PTPRN2: variants seen among roughly 807,000 people sequenced by gnomAD.
PTPRN2 encodes the protein receptor-type tyrosine-protein phosphatase N2.
A neutral mutation model predicts 118.8 loss-of-function variants in PTPRN2; 74 were observed. The observed-to-expected ratio is 0.62, with a 90% CI of 0.52 to 0.76. PTPRN2 has a LOEUF of 0.76. Among genes scored for constraint, PTPRN2 ranks in the 30% least tolerant of loss-of-function variants. The probability of loss-of-function intolerance (pLI) is 0.00; values close to 1 mark genes in which losing one functional copy is unlikely to be tolerated. For synonymous variants in PTPRN2, 641 were observed against 608.0 expected, an observed-to-expected ratio of 1.05 and a Z score of -0.80; for missense variants, 1,481 against 1,394.4, an observed-to-expected ratio of 1.06 and a Z score of -0.99.
intron 1 of PTPRN2, among the ~76,000 whole-genome samples, chr7:158,573,154 A>G (rs112673998): frequency 0.01 from 1,528 of 152,308 alleles, 21 homozygotes; most frequent in African/African-American, 0.035. Flanking sequence ...GGAATTAATG[A>G]TCATCCTCTG....
At chr7:158,420,699 A>C (rs1186235278) in intron 2 of PTPRN2, among the ~76,000 whole-genome samples, 7 of 152,178 alleles carry the variant, frequency 4.6e-5, no homozygotes, top group Non-Finnish European at 1.0e-4. Flanking sequence ...TGGGCTTCCC[A>C]GAAGATACTC....
At chr7:158,230,998 G>A (rs1224912967) in intron 3 of PTPRN2, among the ~76,000 whole-genome samples, 1 of 152,190 alleles carries the variant, frequency 6.6e-6, no homozygotes, top group Non-Finnish European at 1.5e-5. Flanking sequence ...TGGGCACAGA[G>A]GCTCACACCT....
chr7:158,163,649 C>T (rs911244109), intron 6 of PTPRN2, among the ~76,000 whole-genome samples: 11 of 143,864 alleles, frequency 7.6e-5, no homozygotes, highest in African/African-American at 2.9e-4. Flanking sequence ...TCTTAGGTGA[C>T]GCCCGTATGA....
chr7:157,806,286 C>T (rs1339636791), intron 12 of PTPRN2, among the ~76,000 whole-genome samples: 5 of 152,100 alleles, frequency 3.3e-5, no homozygotes, highest in Non-Finnish European at 7.4e-5. Context: ...AAAAAGTTTT[C>T]GATTTGGGGG....
chr7:157,887,360 T>C (rs1584953432), intron 12 of PTPRN2, among the ~76,000 whole-genome samples: 1 of 151,904 alleles, frequency 6.6e-6, no homozygotes, highest in South Asian at 2.1e-4. Context: ...CATATTAGAA[T>C]AAAATAGAGT....
At chr7:158,206,790 T>C (rs1827185886) in intron 3 of PTPRN2, among the ~76,000 whole-genome samples, 1 of 142,016 alleles carries the variant, frequency 7.0e-6, no homozygotes, top group African/African-American at 2.7e-5. Flanking sequence ...AAGTCTTTTC[T>C]TTTTTTTTTT....
chr7:157,742,473 A>C (rs1395638102), intron 12 of PTPRN2, among the ~76,000 whole-genome samples: 2 of 150,316 alleles, frequency 1.3e-5, no homozygotes, highest in Admixed American at 1.3e-4. Context: ...CTACTTGATG[A>C]GCTGACTTCT....
intron 2 of PTPRN2, among the ~76,000 whole-genome samples, chr7:158,488,208 C>T (rs1040621554): frequency 4.6e-5 from 7 of 152,142 alleles, no homozygotes; most frequent in African/African-American, 1.4e-4. Context: ...TTTTCAATAT[C>T]GCTATTTTTC....
Position 158,138,350 on chromosome 7 carries a change from T to C in PTPRN2, c.1076A>G (p.Glu359Gly). The change falls in exon 7 of 23, where the codon GAG (glutamate) becomes GGG (glycine). Residue 359 changes from glutamate (E) to glycine (G), a missense_variant. By Grantham distance (98) the Glu-to-Gly change is moderately conservative. Coordinates refer to ENST00000389418, the MANE Select transcript of PTPRN2 (RefSeq NM_002847.5). Reference protein sequence around the residue: ...RGSPGRAALGESGEQADGPKA... With the variant: ...RGSPGRAALGGSGEQADGPKA... ...GGGGCCATCCGCCTGTTCTCCAGAC[T>C]CTCCCAGGGCCGCTCTCCCAGGGCT... The C allele has an allele frequency of 6.2e-7, 1 of 1,613,686 alleles. No homozygotes were observed. Among genetic ancestry groups the C allele is most frequent in the Non-Finnish European group, 8.5e-7 (1 of 1,180,008 alleles).
intron 5 of PTPRN2, among the ~76,000 whole-genome samples, chr7:158,176,389 C>T (rs949196104): frequency 6.6e-6 from 1 of 152,132 alleles, no homozygotes. Flanking sequence ...GACATGATTA[C>T]CCACATTTTG....
At chr7:157,602,107 C>A (rs773476846) in intron 16 of PTPRN2, among the ~76,000 whole-genome samples, 1 of 152,232 alleles carries the variant, frequency 6.6e-6, no homozygotes, top group Admixed American at 6.5e-5. Flanking sequence ...GAAACCCACA[C>A]GGAACCAAGC....
chr7:157,849,354 C>T (rs953347011), intron 12 of PTPRN2, among the ~76,000 whole-genome samples: 5 of 152,106 alleles, frequency 3.3e-5, no homozygotes, highest in Non-Finnish European at 5.9e-5. Context: ...ATGTCAGACA[C>T]TACGGGGCCG....
intron 1 of PTPRN2, among the ~76,000 whole-genome samples, chr7:158,577,532 G>A (rs1362048562): frequency 6.7e-6 from 1 of 148,564 alleles, no homozygotes; most frequent in East Asian, 2.0e-4. Context: ...ACAGCATGGG[G>A]CCTGCACAAC....
In PTPRN2 at chr7:158,133,939, C is replaced by G; in HGVS notation, c.1294G>C (p.Glu432Gln). The change falls in exon 9 of 23, where the codon GAG becomes CAG. Residue 432 changes from glutamate to glutamine, a missense_variant. Transcript: ENST00000389418. The stretch of plus-strand genomic sequence containing the variant: ...TCCTCTTCTGAAGACAGGGAAGACT[C>G]AGGGTGCTCGGACTTCTTCCTCTCC... Reference protein sequence around the residue: ...DMERKKSEHPESSLSSEEETA... With the variant: ...DMERKKSEHPQSSLSSEEETA... 1 of 1,614,060 alleles carries G rather than the reference C, an allele frequency of 6.2e-7. No individual in the cohort carries two copies. Among genetic ancestry groups the G allele is most frequent in the South Asian group, 1.1e-5 (1 of 91,086 alleles).
chr7:157,687,915 T>C (rs1361556261), intron 12 of PTPRN2, among the ~76,000 whole-genome samples: 1 of 152,206 alleles, frequency 6.6e-6, no homozygotes, highest in African/African-American at 2.4e-5. Context: ...ATGAGAGAAG[T>C]CAGGCGGAAA....
At chr7:158,308,153 A>G (rs1801434144) in intron 3 of PTPRN2, among the ~76,000 whole-genome samples, 1 of 152,208 alleles carries the variant, frequency 6.6e-6, no homozygotes, top group Non-Finnish European at 1.5e-5. Context: ...ATTAACAACT[A>G]ATTTCTCATC....
At chr7:157,773,723 C>T (rs967549396) in intron 12 of PTPRN2, among the ~76,000 whole-genome samples, 4 of 152,180 alleles carry the variant, frequency 2.6e-5, no homozygotes, top group Admixed American at 2.6e-4. Flanking sequence ...ATTTCTCTGC[C>T]CATTGGTGTC....
intron 12 of PTPRN2, among the ~76,000 whole-genome samples, chr7:157,749,474 G>C (rs1189112959): frequency 2.0e-3 from 276 of 136,610 alleles, no homozygotes; most frequent in South Asian, 3.3e-3. Context: ...TCCCTGAGCT[G>C]TGGGTTGTCT....
At chr7:158,033,509 A>G (rs1807844502) in intron 11 of PTPRN2, among the ~76,000 whole-genome samples, 1 of 152,184 alleles carries the variant, frequency 6.6e-6, no homozygotes, top group African/African-American at 2.4e-5. Flanking sequence ...GGGGCTGTCC[A>G]CACCAAAAAG....
Sources: gnomAD v4.1 joint callset for allele counts (sites outside exome capture counted in the v4.1 genomes callset) on GRCh38, gnomAD v4.1.1 for gene constraint, MANE v1.5 for transcripts, NCBI Gene and HGNC (gene_info 2026-07-23, HGNC 2026-07-21) for gene names.